Variants in TRHDE observed in about 807,000 individuals in gnomAD.
The protein encoded by TRHDE is thyrotropin releasing hormone degrading enzyme.
Under a neutral mutation model 125.7 loss-of-function variants are expected in TRHDE, and 72 were observed. The ratio of observed to expected loss-of-function variants is 0.57; its 90% confidence interval spans 0.47 to 0.70. The LOEUF is 0.70. TRHDE is among the 30% of genes least tolerant of loss of function. The pLI is 0.00. For synonymous variants in TRHDE, 509 were observed against 509.1 expected (o/e 1.00, Z 0.00); for missense variants, 1,110 against 1,327.1 (o/e 0.84, Z 2.54).
intron 12 of TRHDE, among the ~76,000 whole-genome samples, chr12:72,616,003 G>A (rs1050728047): frequency 6.6e-6 from 1 of 152,154 alleles, no homozygotes; most frequent in African/African-American, 2.4e-5. Flanking sequence ...TCAGTCTCAT[G>A]ACCACACCTA....
chr12:72,245,328 G>T (rs1190202325), intron 2 of TRHDE, among the ~76,000 whole-genome samples: 1 of 151,340 alleles, frequency 6.6e-6, no homozygotes, highest in Admixed American at 6.6e-5. Flanking sequence ...GATAGATATA[G>T]ATATAGATAA....
intron 1 of TRHDE, among the ~76,000 whole-genome samples, chr12:72,284,336 G>T (rs545706139): frequency 1.1e-4 from 16 of 152,160 alleles, no homozygotes; most frequent in Non-Finnish European, 1.8e-4. Flanking sequence ...GAGTAACTTC[G>T]ACTCATAAAT....
chr12:72,277,833 A>C (rs116308394), intron 1 of TRHDE, among the ~76,000 whole-genome samples: 3,146 of 152,244 alleles, frequency 0.021, 115 homozygotes, highest in African/African-American at 0.072. Flanking sequence ...ATTAATTGAC[A>C]TAAAATTGTG....
At chr12:72,285,552 C>T (rs1483216204) in intron 1 of TRHDE, among the ~76,000 whole-genome samples, 10 of 131,724 alleles carry the variant, frequency 7.6e-5, no homozygotes, top group Middle Eastern at 5.3e-3. Flanking sequence ...GACAGGGTCT[C>T]GCTCTGTCGC....
At chr12:72,355,682 C>G (rs999502481) in intron 2 of TRHDE, among the ~76,000 whole-genome samples, 9 of 151,788 alleles carry the variant, frequency 5.9e-5, no homozygotes, top group African/African-American at 2.2e-4. Flanking sequence ...TATCCAGTAT[C>G]TACAAGGAAC....
rs34399232 is a variant in TRHDE at position 72,097,663 on chromosome 12, G to T, written n.175-7985G>T. Reference sequence around the variant, plus strand: ...ACAAGGTCTTGATATGTTGCCCAGGGTGGTCTTGAACTCTTGGCCTCAAGC... The same window carrying T: ...ACAAGGTCTTGATATGTTGCCCAGGTTGGTCTTGAACTCTTGGCCTCAAGC... On this transcript the variant is annotated intron_variant and non_coding_transcript_variant, in intron 1 of 4. Coordinates refer to the TRHDE transcript ENST00000548156. 9.6e-3 allele frequency among the ~76,000 whole-genome samples: 1,464 copies of T among 152,050 alleles called. 13 individuals are homozygous for T. Among genetic ancestry groups the T allele is most frequent in the Middle Eastern group, 0.024 (7 of 294 alleles).
intron 3 of TRHDE, among the ~76,000 whole-genome samples, chr12:72,401,761 C>A (rs901677968): frequency 2.0e-5 from 3 of 152,038 alleles, no homozygotes; most frequent in African/African-American, 7.2e-5. Context: ...GGAACCACGA[C>A]CATTTGGAAA....
At chr12:72,455,433 T>G (rs192436042) in intron 3 of TRHDE, among the ~76,000 whole-genome samples, 2 of 152,304 alleles carry the variant, frequency 1.3e-5, no homozygotes, top group Admixed American at 1.3e-4. Context: ...TTGAAAGTTT[T>G]TTTTGTAAAG....
intron 15 of TRHDE, among the ~76,000 whole-genome samples, chr12:72,641,393 G>T (rs1874053715): frequency 6.6e-6 from 1 of 152,046 alleles, no homozygotes; most frequent in Non-Finnish European, 1.5e-5. Context: ...CAAAATATAT[G>T]AGTTTAAGAA....
At chr12:72,658,879 T>C (rs1325319835) in intron 18 of TRHDE, among the ~76,000 whole-genome samples, 2 of 152,324 alleles carry the variant, frequency 1.3e-5, no homozygotes, top group East Asian at 1.9e-4. Flanking sequence ...CCTGAGGCTT[T>C]TGAATACTTA....
In TRHDE at chr12:72,669,869, C is replaced by T. The variant is rs1014309961; in HGVS notation, c.*6674C>T. 2 of 151,408 alleles carry T rather than the reference C, an allele frequency of 1.3e-5. No homozygotes were observed. Among genetic ancestry groups the T allele is most frequent in the Non-Finnish European group, 3.0e-5 (2 of 67,714 alleles). The allele number at this position is 151,408 out of a possible 1,614,324, so 9.4% of individuals were successfully genotyped here. On this transcript the variant is annotated 3_prime_UTR_variant, in exon 19 of 19. Transcript: ENST00000261180. ...ATTTTTCATTTTTCATTTTTCATTG[C>T]TATCTTTTAATCCCTTTGCATTTTG...
At chr12:72,393,408 G>GA (rs35664491) in intron 3 of TRHDE, among the ~76,000 whole-genome samples, 3 of 152,306 alleles carry the variant, frequency 2.0e-5, no homozygotes, top group South Asian at 2.1e-4. Context: ...TTGGGCCCAA[G>GA]AAAAGTGGTC....
chr12:72,100,343 G>T (rs539996917), intron 1 of TRHDE, among the ~76,000 whole-genome samples: 128 of 152,212 alleles, frequency 8.4e-4, no homozygotes, highest in African/African-American at 3.0e-3. Flanking sequence ...AGCTATTATT[G>T]CACTTTATAT....
intron 2 of TRHDE, among the ~76,000 whole-genome samples, chr12:72,259,248 G>A (rs1462237244): frequency 2.6e-5 from 4 of 151,818 alleles, no homozygotes; most frequent in Admixed American, 6.6e-5. Context: ...TCCTCTTTAT[G>A]CAGTGGATTA....
At chr12:72,170,468 T>C (rs546351641) in intron 2 of TRHDE, among the ~76,000 whole-genome samples, 1 of 152,234 alleles carries the variant, frequency 6.6e-6, no homozygotes, top group South Asian at 2.1e-4. Flanking sequence ...TAAACTCACT[T>C]GTTGGTGGTG....
chr12:72,603,731 AAAAACAAAAAACAAAAC>A lies in TRHDE; in HGVS notation c.2322-15152_2322-15136del, dbSNP rs1037117720. 4.6e-5 allele frequency among the ~76,000 whole-genome samples: 7 copies of A among 150,704 alleles called. 1 individual carries two copies. Among genetic ancestry groups the A allele is most frequent in the Admixed American group, 1.3e-4 (2 of 15,126 alleles). ...CAGAGTGAGACTCCGTCTCAAAACA[AAAAACAAAAAACAAAAC>A]AAAACAACAACAACAACAAAAAAAC... On this transcript the variant is annotated intron_variant, in intron 12 of 18. Transcript: ENST00000261180.
At chr12:72,386,612 T>A (rs10160913) in intron 3 of TRHDE, among the ~76,000 whole-genome samples, 21,216 of 152,124 alleles carry the variant, frequency 0.14, 2,290 homozygotes, top group African/African-American at 0.29. Context: ...CCATTTTTTC[T>A]CCTTCCTTTT....
chr12:72,224,091 C>T (rs10784954), intron 2 of TRHDE, among the ~76,000 whole-genome samples: 981 of 50,042 alleles, frequency 0.02, 28 homozygotes, highest in African/African-American at 0.072. Flanking sequence ...TCTATCTATC[C>T]ATCTATCTAT....
chr12:72,251,120 T>C (rs1466379771), intron 2 of TRHDE, among the ~76,000 whole-genome samples: 1 of 151,962 alleles, frequency 6.6e-6, no homozygotes, highest in Non-Finnish European at 1.5e-5. Context: ...ATGATCCATT[T>C]ACCTTATTCA....
Sources: allele counts gnomAD v4.1 joint callset (sites outside exome capture counted in the v4.1 genomes callset), GRCh38; gene constraint gnomAD v4.1.1; transcripts MANE v1.5; gene names NCBI Gene and HGNC (gene_info 2026-07-23, HGNC 2026-07-21).